The following DMD variants were observed in gnomAD, a reference collection of about 807,000 sequenced individuals.
DMD encodes the protein mutant dystrophin.
In DMD, 63 loss-of-function variants were observed where a neutral mutation model predicts 330.1. That is an observed-to-expected ratio of 0.19 (90% CI 0.16 to 0.24). DMD has a LOEUF of 0.24. Among genes scored for constraint, DMD ranks in the 10% least tolerant of loss-of-function variants. The probability of loss-of-function intolerance (pLI) is 1.00; values close to 1 mark genes in which losing one functional copy is unlikely to be tolerated. For missense variants in DMD, 3,344 were observed against 2,684.1 expected, an observed-to-expected ratio of 1.25 and a Z score of -5.43; for synonymous variants, 1,223 against 959.8, an observed-to-expected ratio of 1.27 and a Z score of -5.07.
chrX:32,833,537 G>T (rs937003406), intron 4 of DMD, among the ~76,000 whole-genome samples: 1 of 109,366 alleles, frequency 9.1e-6, no homozygotes, highest in African/African-American at 3.3e-5. Flanking sequence ...TCACAATTTA[G>T]TATGAAAGAT....
chrX:31,323,545 T>C (rs1018820247), intron 62 of DMD, 53 bp downstream of exon 62: 26 of 1,003,275 alleles, frequency 2.6e-5, no homozygotes, highest in Non-Finnish European at 3.4e-5. Flanking sequence ...CTTGTGAATA[T>C]ACAGGTTAGT....
At chrX:33,302,117 G>A (rs1057093197) in intron 1 of DMD, among the ~76,000 whole-genome samples, 1 of 111,259 alleles carries the variant, frequency 9.0e-6, no homozygotes, top group Non-Finnish European at 1.9e-5. Flanking sequence ...AGTGCTTAAT[G>A]TTCCGTTGCA....
At chrX:31,890,345 T>C (rs7066160) in intron 47 of DMD, among the ~76,000 whole-genome samples, 13,345 of 89,265 alleles carry the variant, frequency 0.15, 826 homozygotes, top group African/African-American at 0.19. Flanking sequence ...GATTGTTGTT[T>C]CAAAAAAAAC....
chrX:32,337,202 T>A (rs1429394282), intron 41 of DMD, among the ~76,000 whole-genome samples: 3 of 111,236 alleles, frequency 2.7e-5, no homozygotes, highest in Non-Finnish European at 5.7e-5. Flanking sequence ...ATAATTTACA[T>A]GGTAATGTAA....
At chrX:32,588,723 T>A (rs2054558807) in intron 13 of DMD, among the ~76,000 whole-genome samples, 1 of 111,355 alleles carries the variant, frequency 9.0e-6, no homozygotes, top group Non-Finnish European at 1.9e-5. Flanking sequence ...GCCTATACCT[T>A]GAGAAATGTT....
chrX:32,167,392 C>T (rs1012531515), intron 44 of DMD, among the ~76,000 whole-genome samples: 5 of 111,854 alleles, frequency 4.5e-5, no homozygotes, highest in African/African-American at 1.6e-4. Flanking sequence ...CACTCTGATG[C>T]TACCTTTGTG....
chrX:31,829,191 C>A (rs948992780), intron 49 of DMD, among the ~76,000 whole-genome samples: 1 of 111,006 alleles, frequency 9.0e-6, no homozygotes. Flanking sequence ...CAAAGACATA[C>A]GGAGTGATAC....
chrX:31,175,096 T>C (rs370311840), intron 71 of DMD, among the ~76,000 whole-genome samples: 2 of 112,184 alleles, frequency 1.8e-5, no homozygotes, highest in African/African-American at 6.4e-5. Flanking sequence ...CTAAGGTCTG[T>C]TTTGAAATCT....
rs761346366 is a variant in DMD, at chrX:32,367,796, T to C, written c.4846-2597A>G. Among the ~76,000 whole-genome samples, 5 of 112,121 alleles carry C rather than the reference T, an allele frequency of 4.5e-5. No individual in the cohort carries two copies. In the Middle Eastern group the frequency reaches 0.023, roughly 521 times the overall value. ...GTTCCACAAAATTATAAATTAAAAC[T>C]AAAAGATGTTCAATTTATCACCATT... On this transcript the variant is annotated intron_variant, in intron 34 of 78. Coordinates refer to ENST00000357033, the MANE Select transcript of DMD (RefSeq NM_004006.3).
intron 71 of DMD, 55 bp downstream of exon 71, chrX:31,177,877 C>T: frequency 2.0e-6 from 2 of 1,024,340 alleles, no homozygotes; most frequent in Non-Finnish European, 2.7e-6. Flanking sequence ...AAAAGAGAAC[C>T]AAGCGAGCGA....
chrX:32,492,538 C>T (rs1381733680), intron 19 of DMD, among the ~76,000 whole-genome samples: 1 of 111,768 alleles, frequency 8.9e-6, no homozygotes, highest in Non-Finnish European at 1.9e-5. Context: ...TTCTGGAGTA[C>T]CTACTATGTA....
intron 26 of DMD, among the ~76,000 whole-genome samples, chrX:32,451,062 T>C (rs1384412389): frequency 9.0e-6 from 1 of 111,152 alleles, no homozygotes; most frequent in East Asian, 2.8e-4. Context: ...AATCTAACTA[T>C]GATATGCTCT....
chrX:32,394,657 G>T (rs941692306), intron 30 of DMD, among the ~76,000 whole-genome samples: 1 of 110,554 alleles, frequency 9.0e-6, no homozygotes, highest in Admixed American at 9.8e-5. Flanking sequence ...GAGAATCAAG[G>T]TGGAATTTAA....
intron 1 of DMD, among the ~76,000 whole-genome samples, chrX:33,315,530 T>G (rs1569559862): frequency 1.8e-5 from 2 of 112,262 alleles, no homozygotes; most frequent in Non-Finnish European, 3.8e-5. Context: ...CACACATCAC[T>G]GTTGGGATAA....
At chrX:31,407,322 G>A (rs750643115) in intron 60 of DMD, among the ~76,000 whole-genome samples, 4 of 109,903 alleles carry the variant, frequency 3.6e-5, no homozygotes, top group Non-Finnish European at 7.6e-5. Context: ...CTGTCACCAC[G>A]TCCAGCTAAT....
intron 17 of DMD, among the ~76,000 whole-genome samples, chrX:32,519,264 A>T (rs1357540621): frequency 1.5e-4 from 8 of 52,052 alleles, no homozygotes; most frequent in South Asian, 7.9e-4. Context: ...AGTGGAATCT[A>T]AAAAAAAAAA....
At chrX:32,124,911 G>A (rs1014948851) in intron 44 of DMD, among the ~76,000 whole-genome samples, 17 of 107,628 alleles carry the variant, frequency 1.6e-4, no homozygotes, top group African/African-American at 3.1e-4. Flanking sequence ...CCTGACAAAC[G>A]GAATAGTACG....
rs761338933 is a variant in DMD, at chrX:32,287,687, A to G, written c.6132T>C (p.Ser2044=). 6.8e-5 allele frequency: 81 copies of G among 1,197,855 alleles called. No homozygotes were observed. In the Middle Eastern group the frequency reaches 3.0e-3, roughly 45 times the overall value. ...QEESLKNIKD[S]LQQSSGRIDI... ...CAATCCGACCTGAGCTTTGTTGTAG[A>G]CTATCTTTTATATTCTGTAATATAA... is the stretch of plus-strand genomic sequence containing the variant. The change falls in exon 43 of 79, where the codon AGT becomes AGC. Residue 2044 remains serine (S), a synonymous_variant. Transcript: ENST00000357033.
chrX:32,771,481 TTCCCTAA>T (rs1305529266), intron 7 of DMD, among the ~76,000 whole-genome samples: 1 of 105,206 alleles, frequency 9.5e-6, no homozygotes, highest in Non-Finnish European at 1.9e-5. Flanking sequence ...CATTGACAAA[TTCCCTAA>T]TCCCATTTTG....
Sources: gnomAD v4.1 joint callset for allele counts (sites outside exome capture counted in the v4.1 genomes callset) on GRCh38, gnomAD v4.1.1 for gene constraint, MANE v1.5 for transcripts, NCBI Gene and HGNC (gene_info 2026-07-23, HGNC 2026-07-21) for gene names.